Variants in INSYN2B observed in about 807,000 individuals in gnomAD.
The protein encoded by INSYN2B is protein INSYN2B.
INSYN2B carries 16 observed loss-of-function variants against 41.2 expected under a neutral mutation model. The observed-to-expected ratio is 0.39, with a 90% CI of 0.26 to 0.59. INSYN2B has a LOEUF of 0.59. Among genes scored for constraint, INSYN2B ranks in the 20% least tolerant of loss-of-function variants. INSYN2B has a pLI of 0.57. For synonymous variants in INSYN2B, 245 were observed against 244.4 expected (o/e 1.00, Z -0.02); for missense variants, 608 against 646.4 (o/e 0.94, Z 0.64).
intron 1 of INSYN2B, among the ~76,000 whole-genome samples, chr5:169,915,557 AACACACACACACACACACACACACAC>A (rs56728646): frequency 7.0e-6 from 1 of 143,384 alleles, no homozygotes; most frequent in Non-Finnish European, 1.5e-5. Flanking sequence ...ATTGACAGGG[AACACACACACACACACACACACACAC>A]ACACACACAC....
intron 1 of INSYN2B, among the ~76,000 whole-genome samples, chr5:169,938,120 C>T (rs1776074317): frequency 1.3e-5 from 2 of 152,192 alleles, no homozygotes; most frequent in Non-Finnish European, 2.9e-5. Context: ...GTTATACTTG[C>T]AAGACAAAAT....
Position 169,884,807 on chromosome 5 carries a change from C to T in INSYN2B, c.-909G>A, listed in dbSNP as rs756832988. ...CTGGGGTCTGATATCTGCAAGCAGG[C>T]GAGGAGCACCTGAAAGGGAAGAGAC... On this transcript the variant is annotated 5_prime_UTR_variant, in exon 2 of 4. Transcript: ENST00000377365. 3 of 152,192 alleles carry T rather than the reference C, an allele frequency of 2.0e-5. No individual in the cohort carries two copies. Among genetic ancestry groups the T allele is most frequent in the Admixed American group, 6.6e-5 (1 of 15,262 alleles). 9.4% of individuals were successfully genotyped at this position (152,192 alleles called of 1,614,324 possible).
chr5:169,862,863 G>A lies in INSYN2B; in HGVS notation c.*1410C>T, dbSNP rs1227304995. On this transcript the variant is annotated 3_prime_UTR_variant, in exon 4 of 4. Transcript: ENST00000377365. ...ACGAACACACAGGATTCTGTGCTCT[G>A]CAAAGATTCTAGCTTAGACACTGGA... Among the ~76,000 whole-genome samples, 1 of 152,180 alleles carries A rather than the reference G, an allele frequency of 6.6e-6. No homozygotes were observed. Among genetic ancestry groups the A allele is most frequent in the African/African-American group, 2.4e-5 (1 of 41,446 alleles).
intron 1 of INSYN2B, among the ~76,000 whole-genome samples, chr5:169,930,941 C>T (rs1447214250): frequency 6.6e-6 from 1 of 152,210 alleles, no homozygotes; most frequent in Non-Finnish European, 1.5e-5. Context: ...CATCACATGT[C>T]ATGGGCCAGT....
At chr5:169,909,223 AT>A (rs1774459314) in intron 1 of INSYN2B, among the ~76,000 whole-genome samples, 1 of 152,196 alleles carries the variant, frequency 6.6e-6, no homozygotes, top group South Asian at 2.1e-4. Flanking sequence ...AGCTATCTAA[AT>A]TTAAATTAAT....
chr5:169,977,830 T>C (rs962164684), intron 1 of INSYN2B, among the ~76,000 whole-genome samples: 1 of 152,174 alleles, frequency 6.6e-6, no homozygotes, highest in Non-Finnish European at 1.5e-5. Context: ...GAATAGGTTT[T>C]AGAGTCCCTG....
intron 1 of INSYN2B, among the ~76,000 whole-genome samples, chr5:169,916,393 C>A (rs533259737): frequency 6.6e-6 from 1 of 152,316 alleles, no homozygotes; most frequent in South Asian, 2.1e-4. Flanking sequence ...TTCTGGCCCT[C>A]CTATCACCCC....
chr5:169,907,030 C>T (rs1774320808), intron 1 of INSYN2B, among the ~76,000 whole-genome samples: 1 of 152,196 alleles, frequency 6.6e-6, no homozygotes. Flanking sequence ...TCCCTGCTCT[C>T]ACTGAGCTTA....
At chr5:169,943,503 A>T (rs1036428141) in intron 1 of INSYN2B, among the ~76,000 whole-genome samples, 2 of 152,160 alleles carry the variant, frequency 1.3e-5, no homozygotes, top group Non-Finnish European at 2.9e-5. Context: ...TTGAGAAAAC[A>T]GAAGGTCCCA....
At chr5:169,966,794 C>T (rs1199009294) in intron 1 of INSYN2B, among the ~76,000 whole-genome samples, 3 of 152,156 alleles carry the variant, frequency 2.0e-5, no homozygotes, top group Admixed American at 2.0e-4. Context: ...TGAGCTGTTC[C>T]CCTCCCTACT....
chr5:169,866,081 G>A (rs1771535426), intron 3 of INSYN2B, among the ~76,000 whole-genome samples: 1 of 147,582 alleles, frequency 6.8e-6, no homozygotes, highest in African/African-American at 2.4e-5. Flanking sequence ...TTGCAGGGCT[G>A]AAGAGTCAGA....
At chr5:169,970,882 T>C (rs1450170589) in intron 1 of INSYN2B, among the ~76,000 whole-genome samples, 1 of 152,148 alleles carries the variant, frequency 6.6e-6, no homozygotes, top group Non-Finnish European at 1.5e-5. Flanking sequence ...TTTTCTTTAA[T>C]TGAGTGTGGA....
In INSYN2B at chr5:169,883,196, G is replaced by A. The variant is rs1474254104; in HGVS notation, c.703C>T (p.Pro235Ser). 6.4e-7 allele frequency: 1 copy of A among 1,551,612 alleles called. No individual in the cohort carries two copies. Among genetic ancestry groups the A allele is most frequent in the Non-Finnish European group, 8.7e-7 (1 of 1,146,944 alleles). The change falls in exon 2 of 4, where the codon CCT becomes TCT. Residue 235 changes from proline to serine, a missense_variant. Coordinates refer to ENST00000377365, the MANE Select transcript of INSYN2B (RefSeq NM_001129891.3). ...RSAEVSNSIH[P>S]LDDTRPGDGR... ...TCACCTGGACGTGTGTCATCCAAAG[G>A]GTGTATGGAGTTACTTACTTCAGCT...
At position 169,883,057 on chromosome 5, in the gene INSYN2B, G is replaced by A. The variant is rs764451484; in HGVS notation, c.842C>T (p.Pro281Leu). The A allele has an allele frequency of 3.4e-5, 53 of 1,551,442 alleles. No individual in the cohort carries two copies. The highest frequency in any genetic ancestry group is 3.7e-5 in the Non-Finnish European group (43 of 1,146,926). ...GTCTTTGTCATCTGAGTTGTCTTTG[G>A]GCAAAAGCAATTCAGGTTTAAGTTC... ...TEELKPELLL[P>L]KDNSDDKDLG... The change falls in exon 2 of 4, where the codon CCC becomes CTC. Residue 281 changes from proline (P) to leucine (L), a missense_variant. Pro to Leu is a moderately conservative substitution (Grantham distance 98). Coordinates refer to ENST00000377365, the MANE Select transcript of INSYN2B (RefSeq NM_001129891.3).
intron 1 of INSYN2B, among the ~76,000 whole-genome samples, chr5:169,942,567 A>G (rs1776283935): frequency 6.6e-6 from 1 of 152,224 alleles, no homozygotes; most frequent in South Asian, 2.1e-4. Context: ...TTCCCTCCCA[A>G]GTTCCCTCCA....
At chr5:169,867,262 A>T (rs1244182600) in intron 3 of INSYN2B, among the ~76,000 whole-genome samples, 4 of 152,222 alleles carry the variant, frequency 2.6e-5, no homozygotes, top group Non-Finnish European at 4.4e-5. Context: ...GGCCTTAGGC[A>T]GGTGACAGGA....
At chr5:169,951,414 A>T (rs1776658735) in intron 1 of INSYN2B, among the ~76,000 whole-genome samples, 1 of 152,160 alleles carries the variant, frequency 6.6e-6, no homozygotes, top group Non-Finnish European at 1.5e-5. Context: ...GATCTTCTGG[A>T]TACCATTGCA....
At chr5:169,948,481 C>T (rs1042836679) in intron 1 of INSYN2B, among the ~76,000 whole-genome samples, 1 of 152,230 alleles carries the variant, frequency 6.6e-6, no homozygotes. Context: ...CTCTCTCTCT[C>T]TATCTGTATA....
At chr5:169,901,197 G>A (rs557247940) in intron 1 of INSYN2B, among the ~76,000 whole-genome samples, 98 of 152,274 alleles carry the variant, frequency 6.4e-4, no homozygotes, top group Admixed American at 1.6e-3. Context: ...CATGAAAAGA[G>A]GGTGTCCAGG....
Sources: allele counts gnomAD v4.1 joint callset (sites outside exome capture counted in the v4.1 genomes callset), GRCh38; gene constraint gnomAD v4.1.1; transcripts MANE v1.5; gene names NCBI Gene and HGNC (gene_info 2026-07-23, HGNC 2026-07-21).